Variants in SPRY3 observed in about 807,000 individuals in gnomAD.
SPRY3 encodes sprouty RTK signaling antagonist 3, also known as protein sprouty homolog 3.
Under a neutral mutation model 20.2 loss-of-function variants are expected in SPRY3, and 15 were observed. The ratio of observed to expected loss-of-function variants is 0.74; its 90% CI spans 0.50 to 1.14. The LOEUF (loss-of-function observed/expected upper bound fraction) is 1.14, where lower values mean the gene tolerates loss of function less well. Among genes scored for constraint, SPRY3 ranks in the 50% most tolerant of loss-of-function variants. The pLI is 0.00. For missense variants in SPRY3, 364 were observed against 363.9 expected, an observed-to-expected ratio of 1.00 and a Z score of 0.00; for synonymous variants, 143 against 136.5, an observed-to-expected ratio of 1.05 and a Z score of -0.33.
intron 2 of SPRY3, among the ~76,000 whole-genome samples, chrX:155,724,881 G>A (rs775912649): frequency 7.4e-4 from 112 of 152,180 alleles, no homozygotes; most frequent in African/African-American, 2.6e-3. Flanking sequence ...GAGAGAGGGC[G>A]TCCTTGTCTT....
chrX:155,735,346 A>G (rs1388696216), intron 2 of SPRY3, among the ~76,000 whole-genome samples: 3 of 152,040 alleles, frequency 2.0e-5, no homozygotes, highest in Non-Finnish European at 4.4e-5. Context: ...GGTCCAGTTA[A>G]TTAACAGTGC....
At chrX:155,645,491 A>C (rs1323825933) in intron 1 of SPRY3, among the ~76,000 whole-genome samples, 3 of 106,345 alleles carry the variant, frequency 2.8e-5, no homozygotes. Context: ...AGTTCTGACT[A>C]CTGGGATGGG....
chrX:155,713,690 C>A (rs1325976313), intron 2 of SPRY3, among the ~76,000 whole-genome samples: 1 of 152,094 alleles, frequency 6.6e-6, no homozygotes, highest in East Asian at 1.9e-4. Flanking sequence ...TGGGTTAAAT[C>A]TGCTTAGTGT....
intron 2 of SPRY3, among the ~76,000 whole-genome samples, chrX:155,723,362 T>A (rs1451177877): frequency 7.9e-5 from 12 of 152,164 alleles, no homozygotes; most frequent in African/African-American, 2.9e-4. Context: ...CGCCACACTG[T>A]CTTCCACAAT....
intron 2 of SPRY3, among the ~76,000 whole-genome samples, chrX:155,657,098 C>A (rs1032793943): frequency 8.9e-6 from 1 of 111,816 alleles, no homozygotes; most frequent in Non-Finnish European, 1.9e-5. Flanking sequence ...CATGAGGAGG[C>A]AGTCTGTCCC....
rs1250341070 is a variant in SPRY3 at position 155,656,916 on chromosome X, A to C, written c.-391A>C. Among the ~76,000 whole-genome samples, 4 of 111,646 alleles carry C rather than the reference A, an allele frequency of 3.6e-5. No homozygotes were observed. In the Admixed American group the frequency reaches 3.8e-4, roughly 11 times the overall value. On this transcript the variant is annotated 5_prime_UTR_variant, in exon 2 of 4. Coordinates refer to ENST00000675360, the Ensembl canonical transcript of SPRY3. The stretch of plus-strand genomic sequence containing the variant: ...CACTCCATACCCTATTTTCATGGAT[A>C]TCACCAGTGGAGGCTGCAGAACAGC...
intron 2 of SPRY3, among the ~76,000 whole-genome samples, chrX:155,767,146 G>A (rs1417673054): frequency 1.3e-5 from 2 of 151,984 alleles, no homozygotes; most frequent in South Asian, 2.1e-4. Context: ...AGTTTTAATG[G>A]GTCGATTCAA....
chrX:155,618,350 A>G (rs2067860644), intron 1 of SPRY3, among the ~76,000 whole-genome samples: 1 of 111,227 alleles, frequency 9.0e-6, no homozygotes, highest in Non-Finnish European at 1.9e-5. Flanking sequence ...TGTGTGTGTC[A>G]ATAGTTGATT....
chrX:155,725,571 T>A (rs1451066405), intron 2 of SPRY3, among the ~76,000 whole-genome samples: 1 of 152,244 alleles, frequency 6.6e-6, no homozygotes, highest in Non-Finnish European at 1.5e-5. Flanking sequence ...TCAAGGAATT[T>A]ATCTATTTCT....
intron 2 of SPRY3, among the ~76,000 whole-genome samples, chrX:155,684,213 G>C (rs2068081504): frequency 9.0e-6 from 1 of 110,858 alleles, no homozygotes; most frequent in Non-Finnish European, 1.9e-5. Flanking sequence ...GAAGGAGACT[G>C]TTTTCCTTTT....
chrX:155,633,376 T>TAAAAAAA (rs1170609386), intron 1 of SPRY3, among the ~76,000 whole-genome samples: 1 of 21,099 alleles, frequency 4.7e-5, no homozygotes, highest in African/African-American at 1.7e-4. Flanking sequence ...CCGTCTCTAC[T>TAAAAAAA]AAAAAAAAAA....
At chrX:155,707,586 T>C (rs1405092099) in intron 2 of SPRY3, among the ~76,000 whole-genome samples, 1 of 151,226 alleles carries the variant, frequency 6.6e-6, no homozygotes. Flanking sequence ...TTTCAATTCT[T>C]TCAGATTTTG....
At chrX:155,766,414 C>G (rs939437451) in intron 2 of SPRY3, among the ~76,000 whole-genome samples, 33 of 152,142 alleles carry the variant, frequency 2.2e-4, no homozygotes, top group Non-Finnish European at 4.3e-4. Context: ...TAAGGTCACA[C>G]AAGGAGTCAG....
intron 2 of SPRY3, among the ~76,000 whole-genome samples, chrX:155,682,576 A>AATACC (rs2068076823): frequency 9.0e-6 from 1 of 111,586 alleles, no homozygotes; most frequent in Non-Finnish European, 1.9e-5. Context: ...GCTGGTATGC[A>AATACC]ATGGCATAAT....
At chrX:155,666,503 G>C (rs998635870) in intron 2 of SPRY3, among the ~76,000 whole-genome samples, 7 of 110,710 alleles carry the variant, frequency 6.3e-5, no homozygotes, top group Non-Finnish European at 1.1e-4. Flanking sequence ...GATAATATGG[G>C]CTTAGACCAA....
At chrX:155,779,685 A>C (rs767880939), downstream of SPRY3, 3 of 167,206 alleles carry the variant, frequency 1.8e-5, no homozygotes, top group East Asian at 5.8e-4. Context: ...TGCTGGGGAA[A>C]AAATGGCTAA....
chrX:155,719,686 C>T (rs2091043978), intron 2 of SPRY3, among the ~76,000 whole-genome samples: 1 of 151,966 alleles, frequency 6.6e-6, no homozygotes, highest in East Asian at 1.9e-4. Context: ...CTTTTCAGGG[C>T]CTAGCTCCCA....
intron 2 of SPRY3, chrX:155,767,704 G>GAGGAGGAGTAGGAGA (rs1569399882): frequency 6.1e-5 from 8 of 131,982 alleles, no homozygotes; most frequent in Non-Finnish European, 1.3e-4. Flanking sequence ...GGAGGAGAAA[G>GAGGAGGAGTAGGAGA]AAGAGGAGGA....
chrX:155,749,509 G>C (rs143975169), intron 2 of SPRY3, among the ~76,000 whole-genome samples: 3 of 151,802 alleles, frequency 2.0e-5, no homozygotes, highest in African/African-American at 7.2e-5. Context: ...TGAATCAAGA[G>C]CAAGAGAAAA....
Sources: gnomAD v4.1 joint callset for allele counts (sites outside exome capture counted in the v4.1 genomes callset) on GRCh38, gnomAD v4.1.1 for gene constraint, MANE v1.5 for transcripts, NCBI Gene and HGNC (gene_info 2026-07-23, HGNC 2026-07-21) for gene names.